Variants in DPY19L2 observed in about 807,000 individuals in gnomAD.
DPY19L2 encodes probable C-mannosyltransferase DPY19L2.
A neutral mutation model predicts 97.9 loss-of-function variants in DPY19L2; 34 were observed. That is an observed-to-expected ratio of 0.35 (90% CI 0.26 to 0.46). The LOEUF (loss-of-function observed/expected upper bound fraction) is 0.46. Among genes scored for constraint, DPY19L2 ranks in the 20% least tolerant of loss-of-function variants. The pLI is 1.00. For missense variants in DPY19L2, 623 were observed against 911.4 expected (o/e 0.68, Z 4.07); for synonymous variants, 230 against 307.9 (o/e 0.75, Z 2.65).
intron 9 of DPY19L2, chr12:63,620,304 A>G (rs186009247): frequency 4.5e-5 from 9 of 200,408 alleles, no homozygotes; most frequent in African/African-American, 1.7e-4. Flanking sequence ...GGTTCCAGGT[A>G]AAATTCTGCT....
At chr12:63,582,280 T>A in intron 18 of DPY19L2, 126 bp downstream of exon 18, 1 of 958,382 alleles carries the variant, frequency 1.0e-6, no homozygotes, top group South Asian at 2.6e-5. Flanking sequence ...TTTAAATCAT[T>A]TAACTTAGTT....
intron 6 of DPY19L2, among the ~76,000 whole-genome samples, chr12:63,638,200 G>A (rs1892079055): frequency 6.6e-6 from 1 of 152,048 alleles, no homozygotes. Context: ...GTATTGATGG[G>A]ATGTATCTCA....
In DPY19L2 at chr12:63,594,280, T is replaced by C. The variant is rs142032057; in HGVS notation, c.1534-147A>G. Reference sequence around the variant, plus strand: ...CCTCAGGAACAGGACGGTCATACTATAGATGCCTTCCTTTTCTCCTTCCGA... The same window carrying C: ...CCTCAGGAACAGGACGGTCATACTACAGATGCCTTCCTTTTCTCCTTCCGA... On this transcript the variant is annotated intron_variant, in intron 15 of 21. Coordinates refer to ENST00000324472, the MANE Select transcript of DPY19L2 (RefSeq NM_173812.5). 958 of 557,300 alleles carry C rather than the reference T, an allele frequency of 1.7e-3. 4 individuals are homozygous for C. The highest frequency in any genetic ancestry group is 2.4e-3 in the Non-Finnish European group (783 of 320,864). 34.5% of individuals were successfully genotyped at this position (557,300 alleles called of 1,614,324 possible).
At chr12:63,630,457 A>T (rs538390083) in intron 6 of DPY19L2, among the ~76,000 whole-genome samples, 1 of 152,260 alleles carries the variant, frequency 6.6e-6, no homozygotes, top group South Asian at 2.1e-4. Context: ...ACAAAGATCA[A>T]AAAAGACAAA....
At chr12:63,586,946 G>A (rs919894679) in intron 16 of DPY19L2, among the ~76,000 whole-genome samples, 2 of 152,046 alleles carry the variant, frequency 1.3e-5, no homozygotes, top group African/African-American at 4.8e-5. Flanking sequence ...TACAAACACA[G>A]CAGTTATCAC....
At chr12:63,605,897 A>G (rs922198659) in intron 12 of DPY19L2, among the ~76,000 whole-genome samples, 3 of 152,106 alleles carry the variant, frequency 2.0e-5, no homozygotes, top group Non-Finnish European at 2.9e-5. Flanking sequence ...CTGAACATCA[A>G]CTGGGGAGAA....
intron 15 of DPY19L2, among the ~76,000 whole-genome samples, chr12:63,594,594 T>TGC (rs201017119): frequency 8.8e-5 from 13 of 148,570 alleles, no homozygotes; most frequent in Admixed American, 5.5e-4. Flanking sequence ...TGTGTGTGTG[T>TGC]GCGTGCACGT....
chr12:63,627,905 A>G (rs1303489921), intron 6 of DPY19L2, among the ~76,000 whole-genome samples: 1 of 152,192 alleles, frequency 6.6e-6, no homozygotes, highest in Non-Finnish European at 1.5e-5. Flanking sequence ...GGAAGAAAAC[A>G]GCAGAGGAAA....
At chr12:63,577,502 C>T (rs1463065618) in intron 19 of DPY19L2, among the ~76,000 whole-genome samples, 1 of 151,918 alleles carries the variant, frequency 6.6e-6, no homozygotes, top group African/African-American at 2.4e-5. Context: ...AAGAGACAAC[C>T]CAAAGAATAA....
In DPY19L2 at chr12:63,560,085, A is replaced by G. The variant is rs1876190305; in HGVS notation, c.*427T>C. On this transcript the variant is annotated 3_prime_UTR_variant, in exon 22 of 22. Coordinates refer to ENST00000324472, the MANE Select transcript of DPY19L2 (RefSeq NM_173812.5). ...TGTGACCAGTATCAGCATTTTAAGG[A>G]TGTCATTTCAGAGCTTGCATTCTTC... 2 of 154,808 alleles carry G rather than the reference A, an allele frequency of 1.3e-5. No homozygotes were observed. Among genetic ancestry groups the G allele is most frequent in the African/African-American group, 4.8e-5 (2 of 41,582 alleles). 9.6% of individuals were successfully genotyped at this position (154,808 alleles called of 1,614,324 possible). A position where few individuals can be genotyped will look rare whatever the true frequency, so the allele number is the denominator to read the frequency against.
intron 7 of DPY19L2, among the ~76,000 whole-genome samples, chr12:63,624,765 A>C (rs774563387): frequency 3.3e-5 from 5 of 152,200 alleles, no homozygotes; most frequent in Non-Finnish European, 7.4e-5. Context: ...CATATGGGTC[A>C]GAGTATTGGA....
intron 21 of DPY19L2, among the ~76,000 whole-genome samples, chr12:63,564,389 C>T (rs183227748): frequency 6.6e-6 from 1 of 152,216 alleles, no homozygotes; most frequent in East Asian, 1.9e-4. Context: ...AATCTCCCTA[C>T]TGCTGTATCT....
Position 63,647,948 on chromosome 12 carries a change from T to C in DPY19L2, c.589-583A>G, listed in dbSNP as rs555182775. 1.0e-3 allele frequency among the ~76,000 whole-genome samples: 154 copies of C among 152,266 alleles called. 1 individual carries two copies. The highest frequency in any genetic ancestry group is 1.7e-3 in the Admixed American group (26 of 15,300). On this transcript the variant is annotated intron_variant, in intron 4 of 21. Coordinates refer to ENST00000324472, the MANE Select transcript of DPY19L2 (RefSeq NM_173812.5). The stretch of plus-strand genomic sequence containing the variant: ...GAAATGCCAATGGGCACTGCTATAG[T>C]TTGAATGTGTCCCATCCAAAATTCA...
chr12:63,593,645 T>C (rs1164393062), intron 16 of DPY19L2, among the ~76,000 whole-genome samples: 2 of 151,112 alleles, frequency 1.3e-5, no homozygotes, highest in South Asian at 2.1e-4. Context: ...TGTTGTGGGG[T>C]AGGGGGAGAG....
chr12:63,582,374 A>G (rs781470282), intron 18 of DPY19L2, 32 bp downstream of exon 18: 4 of 1,598,094 alleles, frequency 2.5e-6, no homozygotes, highest in Non-Finnish European at 3.4e-6. Context: ...TATAGTTTTT[A>G]TAGTATTGTT....
At chr12:63,590,065 T>C (rs1321492116) in intron 16 of DPY19L2, among the ~76,000 whole-genome samples, 1 of 151,832 alleles carries the variant, frequency 6.6e-6, no homozygotes, top group Admixed American at 6.6e-5. Context: ...GAGGCAGAGG[T>C]TGCAGTGAGC....
At chr12:63,662,455 T>C (rs55642943) in intron 3 of DPY19L2, among the ~76,000 whole-genome samples, 6,680 of 151,750 alleles carry the variant, frequency 0.044, 167 homozygotes, top group Non-Finnish European at 0.048. Flanking sequence ...AATTAAAAGA[T>C]ATCTAATATG....
chr12:63,628,533 T>C (rs950209052), intron 6 of DPY19L2, among the ~76,000 whole-genome samples: 3 of 152,100 alleles, frequency 2.0e-5, no homozygotes, highest in East Asian at 1.9e-4. Context: ...GCACCCACCA[T>C]GGCCAAGGCT....
intron 11 of DPY19L2, among the ~76,000 whole-genome samples, chr12:63,610,582 C>G (rs1429959804): frequency 6.6e-6 from 1 of 150,886 alleles, no homozygotes; most frequent in African/African-American, 2.4e-5. Context: ...AAAAAAAACT[C>G]AACAGATCTA....
Sources: allele counts gnomAD v4.1 joint callset (sites outside exome capture counted in the v4.1 genomes callset), GRCh38; gene constraint gnomAD v4.1.1; transcripts MANE v1.5; gene names NCBI Gene and HGNC (gene_info 2026-07-23, HGNC 2026-07-21).